The following FOXP2 variants were observed in gnomAD, a reference collection of about 807,000 sequenced individuals.
The protein encoded by FOXP2 is forkhead box P2.
A neutral mutation model predicts 115.8 loss-of-function variants in FOXP2; 12 were observed. The observed-to-expected ratio is 0.10, with a 90% CI of 0.07 to 0.17. The LOEUF (loss-of-function observed/expected upper bound fraction) is 0.17. FOXP2 is among the 10% of genes least tolerant of loss of function. The pLI is 1.00. For synonymous variants in FOXP2, 328 were observed against 297.7 expected (o/e 1.10, Z -1.05); for missense variants, 629 against 843.5 (o/e 0.75, Z 3.15).
chr7:114,662,283 T>C, intron 14 of FOXP2, 97 bp downstream of exon 14: 2 of 1,511,626 alleles, frequency 1.3e-6, no homozygotes, highest in Non-Finnish European at 1.8e-6. Flanking sequence ...GTTAGCTTAA[T>C]GGCATGCTAA....
chr7:114,567,129 A>G (rs534223662), intron 3 of FOXP2, among the ~76,000 whole-genome samples: 1 of 152,220 alleles, frequency 6.6e-6, no homozygotes, highest in South Asian at 2.1e-4. Flanking sequence ...AATTTTTGTA[A>G]CCTTTATAAT....
In FOXP2 at chr7:114,526,172, T is replaced by TAAAAAAAAAA. The variant is rs3028251; in HGVS notation, c.169-8431_169-8422dup. Reference sequence around the variant, plus strand: ...TAAGCTCATTATTATGTTTCTTTATTAAAAAAAAAAAAAAAAAAAAAAAGG... The same window carrying TAAAAAAAAAA: ...TAAGCTCATTATTATGTTTCTTTATTAAAAAAAAAAAAAAAAAAAAAAAAAAAAAAAAAGG... On this transcript the variant is annotated intron_variant, in intron 2 of 16. Transcript: ENST00000350908. Among the ~76,000 whole-genome samples the TAAAAAAAAAA allele has an allele frequency of 1.0e-4, 8 of 79,742 alleles. 1 individual carries two copies. The highest frequency in any genetic ancestry group is 8.1e-4 in the East Asian group (2 of 2,480). 52.3% of individuals were successfully genotyped at this position (79,742 alleles called of 152,430 possible).
At chr7:114,387,319 T>C (rs1184615105) in intron 2 of FOXP2, among the ~76,000 whole-genome samples, 1 of 152,178 alleles carries the variant, frequency 6.6e-6, no homozygotes, top group East Asian at 1.9e-4. Context: ...GGTTAAAAAA[T>C]ATTCTCTTCT....
intron 1 of FOXP2, among the ~76,000 whole-genome samples, chr7:114,260,455 C>CT (rs376521474): frequency 0.015 from 2,220 of 148,018 alleles, 52 homozygotes; most frequent in African/African-American, 0.052. Context: ...TGGCAAGTTA[C>CT]TTTTTTTTTT....
intron 2 of FOXP2, among the ~76,000 whole-genome samples, chr7:114,295,418 T>C (rs1796718318): frequency 6.6e-6 from 1 of 152,208 alleles, no homozygotes; most frequent in Admixed American, 6.5e-5. Context: ...TAAAATCTAA[T>C]CCAGCAGCTA....
chr7:114,166,474 G>C (rs189392883), intron 1 of FOXP2, among the ~76,000 whole-genome samples: 1 of 152,130 alleles, frequency 6.6e-6, no homozygotes, highest in Non-Finnish European at 1.5e-5. Context: ...GAGTTCCGAC[G>C]TGGGCAGATC....
chr7:114,660,806 C>T (rs1400243972), intron 13 of FOXP2, among the ~76,000 whole-genome samples: 1 of 151,992 alleles, frequency 6.6e-6, no homozygotes, highest in Non-Finnish European at 1.5e-5. Flanking sequence ...AATGTTCTGT[C>T]ATTTGATTTA....
At chr7:114,194,902 A>G (rs1793863938) in intron 1 of FOXP2, among the ~76,000 whole-genome samples, 2 of 152,180 alleles carry the variant, frequency 1.3e-5, no homozygotes, top group Non-Finnish European at 2.9e-5. Context: ...GATTATAATG[A>G]AATTGTTATT....
chr7:114,318,980 G>C (rs1797342342), intron 2 of FOXP2, among the ~76,000 whole-genome samples: 1 of 152,076 alleles, frequency 6.6e-6, no homozygotes, highest in Non-Finnish European at 1.5e-5. Flanking sequence ...AATGTGGATA[G>C]AATAAAATAG....
At chr7:114,642,340 A>T in intron 6 of FOXP2, 70 bp from the exon 7 acceptor site, 1 of 1,226,410 alleles carries the variant, frequency 8.2e-7, no homozygotes. Flanking sequence ...ATCTATTAAT[A>T]ACACAAAGCT....
intron 1 of FOXP2, among the ~76,000 whole-genome samples, chr7:114,136,719 T>C (rs558933611): frequency 6.6e-6 from 1 of 151,866 alleles, no homozygotes; most frequent in African/African-American, 2.4e-5. Flanking sequence ...AAGAAAGTAA[T>C]ACTAGAAATA....
intron 2 of FOXP2, among the ~76,000 whole-genome samples, chr7:114,409,241 G>C (rs1016417946): frequency 6.6e-6 from 1 of 152,062 alleles, no homozygotes; most frequent in Non-Finnish European, 1.5e-5. Context: ...TTTGAAATCT[G>C]TAGTCTATCT....
chr7:114,690,494 G>A lies in FOXP2; in HGVS notation c.*568G>A. 2.2e-6 allele frequency: 1 copy of A among 453,856 alleles called. No homozygotes were observed. Among genetic ancestry groups the A allele is most frequent in the Non-Finnish European group, 4.4e-6 (1 of 226,732 alleles). The allele number at this position is 453,856 out of a possible 1,614,324, so 28.1% of individuals were successfully genotyped here. A position where few individuals can be genotyped will look rare whatever the true frequency, so the allele number is the denominator to read the frequency against. ...AACAGAACATTAGTTTTTTATGTTG[G>A]TGCCACCAACTGTAAATGACATAAG... On this transcript the variant is annotated 3_prime_UTR_variant, in exon 17 of 17. Transcript: ENST00000350908.
At chr7:114,251,852 C>T (rs1795454063) in intron 1 of FOXP2, among the ~76,000 whole-genome samples, 1 of 152,220 alleles carries the variant, frequency 6.6e-6, no homozygotes, top group African/African-American at 2.4e-5. Context: ...TGAGAGAGGG[C>T]TTCCCTGTCT....
intron 2 of FOXP2, among the ~76,000 whole-genome samples, chr7:114,357,584 C>A (rs1315801577): frequency 6.6e-6 from 1 of 152,122 alleles, no homozygotes; most frequent in African/African-American, 2.4e-5. Flanking sequence ...CTTTGGCCAC[C>A]TCTTAGGAGA....
chr7:114,358,227 T>A (rs535854461), intron 2 of FOXP2, among the ~76,000 whole-genome samples: 3 of 152,258 alleles, frequency 2.0e-5, no homozygotes, highest in East Asian at 3.9e-4. Context: ...AGACAGTGTC[T>A]TTGCTCCTCT....
At chr7:114,626,343 A>G (rs115162996) in intron 3 of FOXP2, among the ~76,000 whole-genome samples, 1,525 of 151,958 alleles carry the variant, frequency 0.01, 21 homozygotes, top group African/African-American at 0.035. Context: ...GTAGTGGTTT[A>G]CGGCATACCT....
intron 3 of FOXP2, among the ~76,000 whole-genome samples, chr7:114,593,560 A>T (rs1802545640): frequency 6.6e-6 from 1 of 151,972 alleles, no homozygotes; most frequent in African/African-American, 2.4e-5. Context: ...ATTAAAGAAG[A>T]TAAATAGTTT....
intron 2 of FOXP2, among the ~76,000 whole-genome samples, chr7:114,487,028 T>C (rs2129241058): frequency 6.6e-6 from 1 of 152,280 alleles, no homozygotes; most frequent in Middle Eastern, 3.4e-3. Context: ...CTAGACAGTG[T>C]GCCAGTGGGG....
Sources: allele counts gnomAD v4.1 joint callset (sites outside exome capture counted in the v4.1 genomes callset), GRCh38; gene constraint gnomAD v4.1.1; transcripts MANE v1.5; gene names NCBI Gene and HGNC (gene_info 2026-07-23, HGNC 2026-07-21).